Variants in USP15 observed in about 807,000 individuals in gnomAD.
USP15 encodes the protein ubiquitin specific peptidase 15.
Under a neutral mutation model 127.1 loss-of-function variants are expected in USP15, and 18 were observed. That is an observed-to-expected ratio of 0.14 (90% CI 0.10 to 0.21). The LOEUF (loss-of-function observed/expected upper bound fraction) is 0.21, where lower values mean the gene tolerates loss of function less well. USP15 is among the 10% of genes least tolerant of loss of function. The pLI, the probability that USP15 is intolerant of heterozygous loss-of-function variation, is 1.00. For missense variants in USP15, 805 were observed against 1,159.9 expected, an observed-to-expected ratio of 0.69 and a Z score of 4.44; for synonymous variants, 364 against 393.7, an observed-to-expected ratio of 0.92 and a Z score of 0.89.
chr12:62,347,020 CTTGTA>C (rs149173594), intron 6 of USP15, among the ~76,000 whole-genome samples: 12,420 of 151,990 alleles, frequency 0.082, 591 homozygotes, highest in Middle Eastern at 0.16. Flanking sequence ...TGTTATCATA[CTTGTA>C]TTGTATTATA....
chr12:62,370,854 C>T (rs945749217), intron 8 of USP15, among the ~76,000 whole-genome samples: 19 of 152,200 alleles, frequency 1.2e-4, no homozygotes, highest in Middle Eastern at 3.2e-3. Context: ...TGCCTACTTA[C>T]ACTAATCTTG....
intron 3 of USP15, 145 bp downstream of exon 3, chr12:62,303,065 C>T: frequency 1.2e-6 from 1 of 852,756 alleles, no homozygotes; most frequent in East Asian, 2.8e-5. Context: ...ACAATAATGG[C>T]AAGTAACATG....
chr12:62,387,243 G>A (rs560313201), intron 11 of USP15, among the ~76,000 whole-genome samples: 2 of 152,276 alleles, frequency 1.3e-5, no homozygotes, highest in South Asian at 4.1e-4. Context: ...GAAAATGATA[G>A]TGTTTTAGAA....
At chr12:62,313,046 A>G (rs1447475741) in intron 3 of USP15, among the ~76,000 whole-genome samples, 1 of 151,594 alleles carries the variant, frequency 6.6e-6, no homozygotes, top group Non-Finnish European at 1.5e-5. Flanking sequence ...TTAATACACT[A>G]CTTTGGGAAT....
chr12:62,284,379 A>G (rs1043592795), intron 1 of USP15, among the ~76,000 whole-genome samples: 3 of 152,176 alleles, frequency 2.0e-5, no homozygotes, highest in Non-Finnish European at 4.4e-5. Context: ...AAATTCCACA[A>G]TGTGTGGGGG....
chr12:62,348,951 A>G (rs563067765), intron 6 of USP15, among the ~76,000 whole-genome samples: 2 of 152,256 alleles, frequency 1.3e-5, no homozygotes, highest in African/African-American at 4.8e-5. Context: ...GGAAATGGGT[A>G]TATGTAGTTA....
intron 3 of USP15, among the ~76,000 whole-genome samples, chr12:62,311,483 T>C (rs1247707433): frequency 6.6e-6 from 1 of 151,732 alleles, no homozygotes; most frequent in Non-Finnish European, 1.5e-5. Context: ...TAATTAATAA[T>C]TGGGTATGAA....
At chr12:62,353,485 A>G (rs139942560) in intron 7 of USP15, among the ~76,000 whole-genome samples, 2 of 151,910 alleles carry the variant, frequency 1.3e-5, no homozygotes, top group South Asian at 4.1e-4. Context: ...GTGTGTGTGT[A>G]TAGGCATGAC....
chr12:62,380,177 T>A (rs1400822407), intron 8 of USP15, among the ~76,000 whole-genome samples: 1 of 151,890 alleles, frequency 6.6e-6, no homozygotes, highest in Non-Finnish European at 1.5e-5. Flanking sequence ...CAGTTGTCCC[T>A]TTTGCCTTGA....
In USP15 at chr12:62,267,062, A is replaced by G. The variant is rs552766115; in HGVS notation, c.89+6559A>G. On this transcript the variant is annotated intron_variant, in intron 1 of 21. Coordinates refer to ENST00000280377, the MANE Select transcript of USP15 (RefSeq NM_001252078.2). ...AACAATATTTCATTAAACCATGGGA[A>G]TTTCTCTTTTTTCTTAGTCCTTGTA... 7 of 152,252 alleles carry G rather than the reference A, an allele frequency of 4.6e-5. No homozygotes were observed. In the East Asian group the frequency reaches 1.2e-3, roughly 25 times the overall value. 9.4% of individuals were successfully genotyped at this position (152,252 alleles called of 1,614,324 possible). A position where few individuals can be genotyped will look rare whatever the true frequency, so the allele number is the denominator to read the frequency against.
Position 62,321,223 on chromosome 12 carries a change from A to C in USP15, c.476-241A>C, listed in dbSNP as rs78421554. 1.6e-3 allele frequency among the ~76,000 whole-genome samples: 247 copies of C among 152,080 alleles called. 3 individuals are homozygous for C. The East Asian group carries it at 0.044, about 27-fold the overall frequency. On this transcript the variant is annotated intron_variant, in intron 4 of 21. Transcript: ENST00000280377. ...TTGTATTTTAGTGTTAGGTGATTGAACTCTTACCTTTTGAGATTTTAAATT... is the reference window on the plus strand; with the variant it reads ...TTGTATTTTAGTGTTAGGTGATTGACCTCTTACCTTTTGAGATTTTAAATT...
intron 2 of USP15, among the ~76,000 whole-genome samples, chr12:62,297,305 G>A (rs932030632): frequency 6.6e-6 from 1 of 152,166 alleles, no homozygotes; most frequent in Non-Finnish European, 1.5e-5. Flanking sequence ...AAGGAGTGGA[G>A]TGTACCCCCA....
At chr12:62,395,219 C>T (rs966199472) in intron 19 of USP15, among the ~76,000 whole-genome samples, 3 of 152,062 alleles carry the variant, frequency 2.0e-5, no homozygotes, top group Non-Finnish European at 4.4e-5. Context: ...CCATAAATTA[C>T]TTTCTAAAAT....
At chr12:62,362,088 T>G (rs1049682671) in intron 8 of USP15, among the ~76,000 whole-genome samples, 1 of 152,078 alleles carries the variant, frequency 6.6e-6, no homozygotes, top group Non-Finnish European at 1.5e-5. Context: ...AGAATCTCTA[T>G]TCCACTAATG....
At position 62,336,439 on chromosome 12, in the gene USP15, G is replaced by T. The variant is rs959264783; in HGVS notation, c.683+10506G>T. 9.1e-6 allele frequency: 9 copies of T among 985,188 alleles called. No individual in the cohort carries two copies. The South Asian group carries it at 2.3e-4, about 26-fold the overall frequency. The allele number at this position is 985,188 out of a possible 1,614,324, so 61.0% of individuals were successfully genotyped here. On this transcript the variant is annotated intron_variant, in intron 6 of 21. Transcript: ENST00000280377. ...CAGCCTTTCTTCTCTTGTCTAGTTA[G>T]TCAGCAAGTCTTGCAGATTCTGCCT...
rs966932745 is a variant in USP15, at chr12:62,405,756, C to T, written c.*1381C>T. 4.6e-5 allele frequency: 7 copies of T among 152,518 alleles called. No homozygotes were observed. Among genetic ancestry groups the T allele is most frequent in the Admixed American group, 6.5e-5 (1 of 15,268 alleles). 9.4% of individuals were successfully genotyped at this position (152,518 alleles called of 1,614,324 possible). ...AAAAGTATAATGTTCTTCACTTGAA[C>T]TAATCAAATACAATAGATTATAAAT... On this transcript the variant is annotated 3_prime_UTR_variant, in exon 22 of 22. Coordinates refer to ENST00000280377, the MANE Select transcript of USP15 (RefSeq NM_001252078.2).
At position 62,391,321 on chromosome 12, in the gene USP15, A is replaced by G; in HGVS notation, c.2125A>G (p.Lys709Glu). 6.2e-7 allele frequency: 1 copy of G among 1,613,624 alleles called. No homozygotes were observed. The highest frequency in any genetic ancestry group is 2.2e-5 in the East Asian group (1 of 44,812). Residue 709 changes from lysine to glutamate, a missense_variant, in exon 16 of 22, where the codon AAA becomes GAA. Lys to Glu is a moderately conservative substitution (Grantham distance 56). Transcript: ENST00000280377. ...CAAAGGTCAACTCACGGGACACAAAAAACGATTGTTTACATTCCAGTTCAA... is the reference window on the plus strand; with the variant it reads ...CAAAGGTCAACTCACGGGACACAAAGAACGATTGTTTACATTCCAGTTCAA... ...TCKGQLTGHK[K>E]RLFTFQFNNL... is the part of the protein sequence containing the mutation.
At chr12:62,333,942 T>TG (rs1488868433) in intron 6 of USP15, 1 of 152,116 alleles carries the variant, frequency 6.6e-6, no homozygotes, top group Non-Finnish European at 1.5e-5. Context: ...CAGGAAAACT[T>TG]GTGCTGATTA....
rs1266754755 is a variant in USP15, at chr12:62,396,305, A to T, written c.2581A>T (p.Met861Leu). 9 of 1,579,748 alleles carry T rather than the reference A, an allele frequency of 5.7e-6. No homozygotes were observed. The highest frequency in any genetic ancestry group is 7.7e-6 in the Non-Finnish European group (9 of 1,167,196). ...LVDFPINDLDMSEFLINPNAG... is the reference protein window; with the variant it reads ...LVDFPINDLDLSEFLINPNAG... ...TTCTTTTTTAAACAGTGACTTGGAT[A>T]TGTCGGAATTCTTAATTAATCCAAA... The change falls in exon 20 of 22, where the codon ATG (methionine) becomes TTG (leucine). Residue 861 changes from methionine (M) to leucine (L), a missense_variant. By Grantham distance (15) the Met-to-Leu change is conservative. Transcript: ENST00000280377.
Sources: gnomAD v4.1 joint callset for allele counts (sites outside exome capture counted in the v4.1 genomes callset) on GRCh38, gnomAD v4.1.1 for gene constraint, MANE v1.5 for transcripts, NCBI Gene and HGNC (gene_info 2026-07-23, HGNC 2026-07-21) for gene names.